The following TASP1 variants were observed in gnomAD, a reference collection of about 807,000 sequenced individuals.
TASP1 encodes taspase 1, also known as threonine aspartase 1.
TASP1 carries 16 observed loss-of-function variants against 56.6 expected under a neutral mutation model. That is an observed-to-expected ratio of 0.28 (90% CI 0.19 to 0.43). The LOEUF is 0.43. TASP1 is among the 20% of genes least tolerant of loss of function. TASP1 has a pLI of 1.00. For synonymous variants in TASP1, 179 were observed against 184.2 expected (o/e 0.97, Z 0.23); for missense variants, 393 against 511.6 (o/e 0.77, Z 2.24).
At chr20:13,186,100 C>T in the TASP1 span, among the ~76,000 whole-genome samples, 1 of 152,114 alleles carries the variant, frequency 6.6e-6, no homozygotes, top group Admixed American at 6.6e-5. Flanking sequence ...GCTCAGTGTA[C>T]ACTAGCATGA....
the TASP1 span, among the ~76,000 whole-genome samples, chr20:13,155,420 T>C: frequency 6.6e-6 from 1 of 152,148 alleles, no homozygotes; most frequent in African/African-American, 2.4e-5. Context: ...GAGGTTTGGG[T>C]CTTACTTGTG....
chr20:13,409,693 A>G (rs1408819289), intron 13 of TASP1, among the ~76,000 whole-genome samples: 1 of 151,952 alleles, frequency 6.6e-6, no homozygotes, highest in Admixed American at 6.6e-5. Context: ...CATACTAATC[A>G]TTTTATTGAC....
chr20:13,270,430 T>C, the TASP1 span: 1 of 1,497,986 alleles, frequency 6.7e-7, no homozygotes, highest in East Asian at 2.5e-5. Context: ...CTCCTGAATA[T>C]AATGGACTGT....
the TASP1 span, among the ~76,000 whole-genome samples, chr20:13,123,314 G>A: frequency 6.8e-6 from 1 of 146,710 alleles, no homozygotes; most frequent in South Asian, 2.1e-4. Context: ...CTGGCCGACA[G>A]AGCAAGACTC....
intron 12 of TASP1, among the ~76,000 whole-genome samples, chr20:13,430,905 T>C (rs543209497): frequency 6.6e-6 from 1 of 152,196 alleles, no homozygotes; most frequent in African/African-American, 2.4e-5. Context: ...GGAGCTCTGA[T>C]AACTAATGTA....
the TASP1 span, among the ~76,000 whole-genome samples, chr20:13,319,006 C>T: frequency 1.3e-5 from 2 of 152,112 alleles, no homozygotes; most frequent in Non-Finnish European, 2.9e-5. Flanking sequence ...CACGAGTGAA[C>T]CCTAATGAAC....
At chr20:13,608,118 T>C (rs975611453) in intron 4 of TASP1, among the ~76,000 whole-genome samples, 2 of 152,246 alleles carry the variant, frequency 1.3e-5, no homozygotes, top group Non-Finnish European at 2.9e-5. Flanking sequence ...ACAGGATATG[T>C]ACTCCATGTC....
At chr20:13,260,978 C>T in the TASP1 span, among the ~76,000 whole-genome samples, 3 of 152,154 alleles carry the variant, frequency 2.0e-5, no homozygotes, top group Non-Finnish European at 2.9e-5. Flanking sequence ...CTGCTGCACA[C>T]GTCTCTCACC....
chr20:13,170,877 AG>A, the TASP1 span, among the ~76,000 whole-genome samples: 1 of 152,160 alleles, frequency 6.6e-6, no homozygotes, highest in Non-Finnish European at 1.5e-5. Flanking sequence ...CCAGATCTGA[AG>A]CATGCGTGGA....
chr20:13,343,803 AT>A, the TASP1 span, among the ~76,000 whole-genome samples: 13 of 152,086 alleles, frequency 8.5e-5, no homozygotes, highest in Non-Finnish European at 1.5e-4. Flanking sequence ...CATCCTGACT[AT>A]AGAAAGAAAG....
At chr20:13,570,703 T>TA (rs369511931) in intron 6 of TASP1, among the ~76,000 whole-genome samples, 13 of 150,090 alleles carry the variant, frequency 8.7e-5, no homozygotes, top group South Asian at 2.1e-4. Flanking sequence ...AATTCTACTT[T>TA]AAAAAAAAAA....
intron 4 of TASP1, among the ~76,000 whole-genome samples, chr20:13,619,398 T>A (rs2048633846): frequency 6.6e-6 from 1 of 152,206 alleles, no homozygotes; most frequent in Admixed American, 6.5e-5. Flanking sequence ...TAGACTTTTT[T>A]AAACCAGGTC....
the TASP1 span, among the ~76,000 whole-genome samples, chr20:13,221,175 C>A: frequency 0.29 from 42,925 of 149,850 alleles, 6,243 homozygotes; most frequent in African/African-American, 0.32. Flanking sequence ...AGGGCGGGGG[C>A]GCCAAGCGTG....
chr20:13,405,254 T>C (rs1308174941), intron 13 of TASP1, among the ~76,000 whole-genome samples: 14 of 152,178 alleles, frequency 9.2e-5, no homozygotes, highest in Non-Finnish European at 1.5e-5. Flanking sequence ...CAAGAGTAAA[T>C]AGGATAACAT....
At chr20:13,281,108 T>G in the TASP1 span, among the ~76,000 whole-genome samples, 1 of 152,116 alleles carries the variant, frequency 6.6e-6, no homozygotes, top group East Asian at 1.9e-4. Context: ...AAAATATTTT[T>G]TTGCCACATC....
chr20:13,315,109 A>G, the TASP1 span, among the ~76,000 whole-genome samples: 68 of 149,794 alleles, frequency 4.5e-4, no homozygotes, highest in African/African-American at 1.6e-3. Flanking sequence ...GAAAGGCAGA[A>G]AAAGAATGGA....
the TASP1 span, among the ~76,000 whole-genome samples, chr20:13,110,917 A>C: frequency 6.6e-6 from 1 of 152,152 alleles, no homozygotes; most frequent in African/African-American, 2.4e-5. Flanking sequence ...GTTCAACTTT[A>C]AGACAAGGAG....
At chr20:13,319,023 T>G in the TASP1 span, among the ~76,000 whole-genome samples, 1 of 152,168 alleles carries the variant, frequency 6.6e-6, no homozygotes, top group African/African-American at 2.4e-5. Context: ...GAACTCTGGG[T>G]GATAATGATG....
At chr20:13,603,687 T>C (rs1402497109) in intron 4 of TASP1, among the ~76,000 whole-genome samples, 1 of 152,144 alleles carries the variant, frequency 6.6e-6, no homozygotes, top group Non-Finnish European at 1.5e-5. Context: ...CAATCCAAAG[T>C]TTTTAAGGGG....
Sources: allele counts gnomAD v4.1 joint callset (sites outside exome capture counted in the v4.1 genomes callset), GRCh38; gene constraint gnomAD v4.1.1; transcripts MANE v1.5; gene names NCBI Gene and HGNC (gene_info 2026-07-23, HGNC 2026-07-21).